The following DDX6 variants were observed in gnomAD, a reference collection of about 807,000 sequenced individuals.
DDX6 encodes probable ATP-dependent RNA helicase DDX6.
Under a neutral mutation model 60.6 loss-of-function variants are expected in DDX6, and 7 were observed. That is an observed-to-expected ratio of 0.12 (90% CI 0.07 to 0.22). The LOEUF is 0.22. DDX6 is among the 10% of genes least tolerant of loss of function. DDX6 has a pLI of 1.00. For synonymous variants in DDX6, 207 were observed against 201.0 expected (o/e 1.03, Z -0.25); for missense variants, 270 against 589.9 (o/e 0.46, Z 5.62).
At position 118,750,053 on chromosome 11, in the gene DDX6, C is replaced by T. The variant is rs1320648790; in HGVS notation, c.*2052G>A. On this transcript the variant is annotated 3_prime_UTR_variant, in exon 14 of 14. Coordinates refer to ENST00000534980, the MANE Select transcript of DDX6 (RefSeq NM_004397.6). ...TAGTTTGCTCAGAAGTAGGCAGAGT[C>T]AAAAAAGCAACTTCAAGTAATTGAT... The T allele has an allele frequency of 6.6e-6, 1 of 152,244 alleles. No individual in the cohort carries two copies. The highest frequency in any genetic ancestry group is 2.4e-5 in the African/African-American group (1 of 41,312). The allele number at this position is 152,244 out of a possible 1,614,324, so 9.4% of individuals were successfully genotyped here.
intron 7 of DDX6, among the ~76,000 whole-genome samples, chr11:118,762,212 G>A (rs1286201384): frequency 4.6e-5 from 7 of 151,028 alleles, no homozygotes; most frequent in African/African-American, 1.7e-4. Flanking sequence ...GGAGGCAGAG[G>A]TTGTAGTGAG....
chr11:118,749,354 GAAAGAAAAAAAA>G lies in DDX6; in HGVS notation c.*2739_*2750del. On this transcript the variant is annotated 3_prime_UTR_variant, in exon 14 of 14. Transcript: ENST00000534980. ...ATGCTTATTATGAGGGCCCAAAAAA[GAAAGAAAAAAAA>G]AAAAAAAAAAAAAAAGACCAGGCTT... 1 of 22,820 alleles carries G rather than the reference GAAAGAAAAAAAA, an allele frequency of 4.4e-5. No homozygotes were observed. The highest frequency in any genetic ancestry group is 2.2e-3 in the South Asian group (1 of 448). 1.4% of individuals were successfully genotyped at this position (22,820 alleles called of 1,614,324 possible). A position where few individuals can be genotyped will look rare whatever the true frequency, so the allele number is the denominator to read the frequency against.
At chr11:118,783,809 T>C (rs1209647150) in intron 2 of DDX6, among the ~76,000 whole-genome samples, 3 of 4,474 alleles carry the variant, frequency 6.7e-4, no homozygotes, top group Non-Finnish European at 1.1e-3. Context: ...AGAGTCCATC[T>C]CAAAAAAAAA....
chr11:118,789,528 A>G (rs1300824454), intron 1 of DDX6: 2 of 152,236 alleles, frequency 1.3e-5, no homozygotes, highest in Admixed American at 6.5e-5. Context: ...TCCTTAAAAA[A>G]AAAATGAACA....
intron 1 of DDX6, chr11:118,789,686 T>C (rs568090211): frequency 1.3e-5 from 2 of 152,272 alleles, no homozygotes; most frequent in South Asian, 2.1e-4. Context: ...CACAGAGACT[T>C]AGCTGTTTGC....
At chr11:118,775,901 C>A (rs782309316) in intron 4 of DDX6, among the ~76,000 whole-genome samples, 6 of 152,134 alleles carry the variant, frequency 3.9e-5, no homozygotes, top group Non-Finnish European at 7.4e-5. Flanking sequence ...GAAGCCAAGG[C>A]AGGAGGACTG....
intron 4 of DDX6, among the ~76,000 whole-genome samples, chr11:118,775,352 C>G (rs1861663699): frequency 6.6e-6 from 1 of 152,066 alleles, no homozygotes; most frequent in Non-Finnish European, 1.5e-5. Flanking sequence ...CCAAACACCA[C>G]CTGTTCCCCC....
chr11:118,755,144 A>G (rs1202753917), intron 12 of DDX6, among the ~76,000 whole-genome samples: 1 of 152,248 alleles, frequency 6.6e-6, no homozygotes, highest in African/African-American at 2.4e-5. Context: ...TACACATTAA[A>G]CAACAGTCAC....
intron 7 of DDX6, among the ~76,000 whole-genome samples, chr11:118,761,096 G>A (rs1172379410): frequency 2.7e-5 from 4 of 150,448 alleles, no homozygotes; most frequent in South Asian, 2.1e-4. Context: ...AGCTGAGATC[G>A]CACCACTGCA....
rs1860757525 is a variant in DDX6 at position 118,751,233 on chromosome 11, A to G, written c.*872T>C. ...CATACTACTACTGGAGGCATATGTA[A>G]CCCAGTCTTTAGTGTCTGCTATAGA... On this transcript the variant is annotated 3_prime_UTR_variant, in exon 14 of 14. Coordinates refer to ENST00000534980, the MANE Select transcript of DDX6 (RefSeq NM_004397.6). The G allele has an allele frequency of 6.6e-6, 1 of 152,284 alleles. No individual in the cohort carries two copies. The highest frequency in any genetic ancestry group is 2.4e-5 in the African/African-American group (1 of 41,392). 9.4% of individuals were successfully genotyped at this position (152,284 alleles called of 1,614,324 possible). A position where few individuals can be genotyped will look rare whatever the true frequency, so the allele number is the denominator to read the frequency against.
chr11:118,771,273 A>G (rs782352145), intron 4 of DDX6, among the ~76,000 whole-genome samples: 1 of 148,902 alleles, frequency 6.7e-6, no homozygotes, highest in African/African-American at 2.5e-5. Context: ...GAGGCAGAAC[A>G]GAATTAGACT....
intron 1 of DDX6, chr11:118,786,876 T>C (rs564936131): frequency 5.3e-5 from 8 of 152,378 alleles, no homozygotes; most frequent in African/African-American, 1.7e-4. Flanking sequence ...TTATACTTAA[T>C]TGCATTACAA....
Position 118,757,295 on chromosome 11 carries a change from C to A in DDX6, c.994-8G>T. 2 of 1,459,702 alleles carry A rather than the reference C, an allele frequency of 1.4e-6. No homozygotes were observed. Among genetic ancestry groups the A allele is most frequent in the African/African-American group, 1.4e-5 (1 of 69,100 alleles). 90.4% of individuals were successfully genotyped at this position (1,459,702 alleles called of 1,614,324 possible). A position where few individuals can be genotyped will look rare whatever the true frequency, so the allele number is the denominator to read the frequency against. On this transcript the variant is annotated splice_polypyrimidine_tract_variant and splice_region_variant and intron_variant, in intron 9 of 13. Transcript: ENST00000534980. ...CGACTGGTTTATCTGAAGCTGAGCA[C>A]AGAAAAAAATAAGTATGAGAAAAAT...
At chr11:118,780,867 T>C (rs1219774480) in intron 3 of DDX6, among the ~76,000 whole-genome samples, 3 of 152,134 alleles carry the variant, frequency 2.0e-5, no homozygotes, top group African/African-American at 7.2e-5. Flanking sequence ...TTTCTACAAA[T>C]TGCTAAATGC....
intron 6 of DDX6, among the ~76,000 whole-genome samples, chr11:118,764,440 C>T (rs1555160918): frequency 6.6e-6 from 1 of 152,100 alleles, no homozygotes; most frequent in African/African-American, 2.4e-5. Flanking sequence ...CAATACCACC[C>T]CATAGCAAAC....
intron 1 of DDX6, chr11:118,789,655 G>C (rs147741190): frequency 1.3e-5 from 2 of 152,252 alleles, no homozygotes; most frequent in Non-Finnish European, 2.9e-5. Flanking sequence ...TTTATATTAT[G>C]ATCAGCGATA....
At chr11:118,762,937 A>G (rs1861224832) in intron 7 of DDX6, among the ~76,000 whole-genome samples, 1 of 152,248 alleles carries the variant, frequency 6.6e-6, no homozygotes, top group Admixed American at 6.5e-5. Flanking sequence ...GACTTAGAAT[A>G]AATTTGGCAT....
chr11:118,773,061 T>C (rs1366261195), intron 4 of DDX6, among the ~76,000 whole-genome samples: 1 of 152,216 alleles, frequency 6.6e-6, no homozygotes, highest in Admixed American at 6.5e-5. Flanking sequence ...TGAATTCCCG[T>C]TATTTTTCCA....
Position 118,781,110 on chromosome 11 carries a change from A to G in DDX6, c.264+11T>C. ...CACCATTATTCTACTTGTATTTTAC[A>G]ACCAACTTACCGAAGTTTTGATTCT... On this transcript the variant is annotated intron_variant, in intron 3 of 13. Coordinates refer to ENST00000534980, the MANE Select transcript of DDX6 (RefSeq NM_004397.6). 1.3e-6 allele frequency: 2 copies of G among 1,581,036 alleles called. No individual in the cohort carries two copies. The highest frequency in any genetic ancestry group is 1.7e-6 in the Non-Finnish European group (2 of 1,155,308).
Sources: gnomAD v4.1 joint callset for allele counts (sites outside exome capture counted in the v4.1 genomes callset) on GRCh38, gnomAD v4.1.1 for gene constraint, MANE v1.5 for transcripts, NCBI Gene and HGNC (gene_info 2026-07-23, HGNC 2026-07-21) for gene names.